Variants in EPHA6 observed in about 807,000 individuals in gnomAD.
EPHA6 encodes the protein EPH receptor A6.
EPHA6 carries 50 observed loss-of-function variants against 112.0 expected under a neutral mutation model. The ratio of observed to expected loss-of-function variants is 0.45; its 90% CI spans 0.36 to 0.56. The LOEUF (loss-of-function observed/expected upper bound fraction) is 0.56, where lower values mean the gene tolerates loss of function less well. EPHA6 is among the 20% of genes least tolerant of loss of function. The pLI, the probability that EPHA6 is intolerant of heterozygous loss-of-function variation, is 0.00. For missense variants in EPHA6, 1,280 were observed against 1,417.4 expected, an observed-to-expected ratio of 0.90 and a Z score of 1.56; for synonymous variants, 529 against 490.7, an observed-to-expected ratio of 1.08 and a Z score of -1.03.
At chr3:97,024,927 GT>G (rs1381604881) in intron 3 of EPHA6, among the ~76,000 whole-genome samples, 4 of 152,122 alleles carry the variant, frequency 2.6e-5, no homozygotes, top group African/African-American at 9.7e-5. Flanking sequence ...AATTAAAATA[GT>G]TTTTGTATAA....
intron 1 of EPHA6, among the ~76,000 whole-genome samples, chr3:96,816,005 A>T (rs1452770828): frequency 6.6e-6 from 1 of 152,132 alleles, no homozygotes; most frequent in African/African-American, 2.4e-5. Flanking sequence ...GTTATCATTT[A>T]ACACATAAGG....
intron 3 of EPHA6, among the ~76,000 whole-genome samples, chr3:97,026,728 C>T (rs2044652515): frequency 6.6e-6 from 1 of 152,048 alleles, no homozygotes. Flanking sequence ...TCAAAAACTA[C>T]AAGGAGATAC....
intron 1 of EPHA6, among the ~76,000 whole-genome samples, chr3:96,826,471 T>C (rs1459224247): frequency 6.6e-6 from 1 of 152,032 alleles, no homozygotes; most frequent in Non-Finnish European, 1.5e-5. Context: ...TCCTCTTTAG[T>C]ATATTAGTAA....
intron 5 of EPHA6, among the ~76,000 whole-genome samples, chr3:97,313,845 G>A (rs1041962071): frequency 6.6e-6 from 1 of 151,370 alleles, no homozygotes; most frequent in African/African-American, 2.4e-5. Context: ...CACTCTATTC[G>A]TTATTTCCTT....
intron 10 of EPHA6, among the ~76,000 whole-genome samples, chr3:97,494,269 C>T (rs535250590): frequency 3.3e-5 from 5 of 152,166 alleles, no homozygotes; most frequent in African/African-American, 9.6e-5. Flanking sequence ...GTTTCTTCCC[C>T]AAAAGTTATT....
At chr3:97,407,878 C>T (rs1194484006) in intron 6 of EPHA6, among the ~76,000 whole-genome samples, 1 of 151,992 alleles carries the variant, frequency 6.6e-6, no homozygotes, top group Non-Finnish European at 1.5e-5. Context: ...CTATTCATAT[C>T]GAAGAGCAAG....
chr3:97,087,633 C>A (rs375281336), intron 3 of EPHA6, among the ~76,000 whole-genome samples: 4 of 152,120 alleles, frequency 2.6e-5, no homozygotes, highest in Non-Finnish European at 4.4e-5. Flanking sequence ...AATTTCTACA[C>A]ATTGAAAGGG....
chr3:97,434,377 T>C (rs1347370242), intron 6 of EPHA6, among the ~76,000 whole-genome samples: 1 of 152,126 alleles, frequency 6.6e-6, no homozygotes, highest in African/African-American at 2.4e-5. Context: ...AGTGTTCATA[T>C]TAAAAAAAAG....
chr3:96,825,968 G>A (rs1559752069), intron 1 of EPHA6, among the ~76,000 whole-genome samples: 1 of 151,734 alleles, frequency 6.6e-6, no homozygotes, highest in Middle Eastern at 3.4e-3. Flanking sequence ...TACTGATAAC[G>A]CTAATAGATT....
chr3:97,109,433 C>A (rs2047656415), intron 3 of EPHA6, among the ~76,000 whole-genome samples: 2 of 152,122 alleles, frequency 1.3e-5, no homozygotes, highest in Admixed American at 6.6e-5. Flanking sequence ...TAGAATAAAT[C>A]TTTTCTACTT....
chr3:97,298,829 A>G (rs1264018760), intron 5 of EPHA6, among the ~76,000 whole-genome samples: 8 of 152,122 alleles, frequency 5.3e-5, no homozygotes, highest in Non-Finnish European at 8.8e-5. Context: ...TAAAAGTGTA[A>G]CCACTGAAAT....
At chr3:97,375,768 A>G (rs749497070) in intron 5 of EPHA6, among the ~76,000 whole-genome samples, 1 of 152,192 alleles carries the variant, frequency 6.6e-6, no homozygotes, top group Non-Finnish European at 1.5e-5. Flanking sequence ...AATGACTAAT[A>G]CATGCCCCAA....
chr3:97,026,242 A>G (rs1306535636), intron 3 of EPHA6, among the ~76,000 whole-genome samples: 2 of 150,550 alleles, frequency 1.3e-5, no homozygotes, highest in African/African-American at 2.4e-5. Context: ...TCGGATTGCC[A>G]TGGCCAATCG....
At chr3:97,554,836 A>G (rs899598776) in intron 11 of EPHA6, among the ~76,000 whole-genome samples, 2 of 151,936 alleles carry the variant, frequency 1.3e-5, no homozygotes, top group Non-Finnish European at 2.9e-5. Context: ...TGATGTTTTG[A>G]CATCTAAGAC....
chr3:97,379,656 G>C (rs2085596032), intron 5 of EPHA6, among the ~76,000 whole-genome samples: 1 of 148,596 alleles, frequency 6.7e-6, no homozygotes, highest in Admixed American at 6.8e-5. Context: ...GGCTGAGACA[G>C]GAGAATTGTT....
At chr3:97,031,517 GAATGGGAGAAAATTTTTGCAACCTACT>G (rs2044841966) in intron 3 of EPHA6, among the ~76,000 whole-genome samples, 1 of 152,046 alleles carries the variant, frequency 6.6e-6, no homozygotes, top group Non-Finnish European at 1.5e-5. Flanking sequence ...GCAAGTTACA[GAATGGGAGAAAATTTTTGCAACCTACT>G]CATCTGACAA....
Position 97,105,032 on chromosome 3 carries a change from T to A in EPHA6, c.1114+117039T>A, listed in dbSNP as rs148685600. 6.8e-3 allele frequency among the ~76,000 whole-genome samples: 1,032 copies of A among 152,158 alleles called. 11 individuals are homozygous for A. The highest frequency in any genetic ancestry group is 0.023 in the African/African-American group (968 of 41,518). The stretch of plus-strand genomic sequence containing the variant: ...ATTGTGTTTATATGGATCTTCTCTC[T>A]TTTCTTCTTTACTAGTCTAGCTAGC... On this transcript the variant is annotated intron_variant, in intron 3 of 17. Transcript: ENST00000389672.
chr3:97,704,758 C>G (rs755892572), intron 14 of EPHA6, among the ~76,000 whole-genome samples: 1 of 152,004 alleles, frequency 6.6e-6, no homozygotes, highest in African/African-American at 2.4e-5. Context: ...AACTTTGACT[C>G]TCTATTTAGA....
chr3:96,892,950 ATATATG>A (rs1172339109), intron 2 of EPHA6, among the ~76,000 whole-genome samples: 100 of 136,418 alleles, frequency 7.3e-4, no homozygotes, highest in African/African-American at 3.3e-3. Context: ...TTATATATAT[ATATATG>A]TGTGTGTGTG....
Sources: gnomAD v4.1 joint callset for allele counts (sites outside exome capture counted in the v4.1 genomes callset) on GRCh38, gnomAD v4.1.1 for gene constraint, MANE v1.5 for transcripts, NCBI Gene and HGNC (gene_info 2026-07-23, HGNC 2026-07-21) for gene names.